BID: variants seen among roughly 807,000 people sequenced by gnomAD.
BID encodes the protein BH3-interacting domain death agonist.
BID carries 19 observed loss-of-function variants against 17.4 expected under a neutral mutation model. That is an observed-to-expected ratio of 1.09 (90% CI 0.76 to 1.60). BID has a LOEUF of 1.60. Among genes scored for constraint, BID ranks in the 40% most tolerant of loss-of-function variants. The pLI is 0.00. For missense variants in BID, 226 were observed against 256.0 expected, an observed-to-expected ratio of 0.88 and a Z score of 0.80; for synonymous variants, 108 against 102.8, an observed-to-expected ratio of 1.05 and a Z score of -0.31.
intron 1 of BID, among the ~76,000 whole-genome samples, chr22:17,753,647 C>A (rs2061558184): frequency 6.6e-6 from 1 of 152,260 alleles, no homozygotes; most frequent in African/African-American, 2.4e-5. Flanking sequence ...GCTCCCCCGT[C>A]AATAGCGGCC....
At position 17,735,484 on chromosome 22, in the gene BID, CG is replaced by C; in HGVS notation, c.*95del. 1 of 1,430,968 alleles carries C rather than the reference CG, an allele frequency of 7.0e-7. No individual in the cohort carries two copies. Among genetic ancestry groups the C allele is most frequent in the East Asian group, 2.3e-5 (1 of 43,858 alleles). The allele number at this position is 1,430,968 out of a possible 1,614,324, so 88.6% of individuals were successfully genotyped here. A position where few individuals can be genotyped will look rare whatever the true frequency, so the allele number is the denominator to read the frequency against. ...TCTTCCAGCCTGTCTTCTCTAGGAA[CG>C]CTGTTGACATGCCAGGGCTCCGTCT... On this transcript the variant is annotated 3_prime_UTR_variant, in exon 6 of 6. Coordinates refer to ENST00000622694, the MANE Select transcript of BID (RefSeq NM_001196.4).
In BID at chr22:17,755,524, C is replaced by T. The variant is rs140949738; in HGVS notation, c.-58-5350G>A. Among the ~76,000 whole-genome samples the T allele has an allele frequency of 3.4e-3, 519 of 151,928 alleles. 4 individuals carry two copies. The highest frequency in any genetic ancestry group is 0.012 in the African/African-American group (501 of 41,438). ...TCAGAAAAATAAAGGGTTTGGAGGC[C>T]GGGCGTGGTGGCTCATGCCTGTAAT... On this transcript the variant is annotated intron_variant, in intron 1 of 5. Coordinates refer to ENST00000622694, the MANE Select transcript of BID (RefSeq NM_001196.4).
At chr22:17,763,537 C>A (rs1237730481) in intron 1 of BID, among the ~76,000 whole-genome samples, 2 of 152,196 alleles carry the variant, frequency 1.3e-5, no homozygotes, top group Admixed American at 1.3e-4. Context: ...AACCACCGTG[C>A]CTGGCCTTAT....
chr22:17,763,909 A>ATTTT (rs1259728463), intron 1 of BID, among the ~76,000 whole-genome samples: 46 of 135,520 alleles, frequency 3.4e-4, no homozygotes, highest in Admixed American at 3.2e-3. Context: ...TAATTTAAAA[A>ATTTT]AAAAAAAAAT....
At chr22:17,756,476 T>TTTTCTTTC (rs56273043) in intron 1 of BID, among the ~76,000 whole-genome samples, 4 of 103,682 alleles carry the variant, frequency 3.9e-5, no homozygotes, top group African/African-American at 1.4e-4. Flanking sequence ...TCTTTCTTTC[T>TTTTCTTTC]TTTCTTTCTT....
chr22:17,767,347 T>C (rs28690258), intron 1 of BID, among the ~76,000 whole-genome samples: 12 of 152,132 alleles, frequency 7.9e-5, no homozygotes, highest in Non-Finnish European at 1.3e-4. Context: ...ATAGAGTTCC[T>C]CCAATTCAAG....
intron 1 of BID, among the ~76,000 whole-genome samples, chr22:17,763,134 C>T (rs1444803248): frequency 6.6e-6 from 1 of 152,224 alleles, no homozygotes; most frequent in Non-Finnish European, 1.5e-5. Context: ...GCCTCAGCCT[C>T]CCAAAGTGCT....
chr22:17,735,481 G>T lies in BID; in HGVS notation c.*99C>A. Reference sequence around the variant, plus strand: ...CTATCTTCCAGCCTGTCTTCTCTAGGAACGCTGTTGACATGCCAGGGCTCC... The same window carrying T: ...CTATCTTCCAGCCTGTCTTCTCTAGTAACGCTGTTGACATGCCAGGGCTCC... On this transcript the variant is annotated 3_prime_UTR_variant, in exon 6 of 6. Coordinates refer to ENST00000622694, the MANE Select transcript of BID (RefSeq NM_001196.4). 7.1e-7 allele frequency: 1 copy of T among 1,403,722 alleles called. No homozygotes were observed. Among genetic ancestry groups the T allele is most frequent in the South Asian group, 1.2e-5 (1 of 85,048 alleles). The allele number at this position is 1,403,722 out of a possible 1,614,324, so 87.0% of individuals were successfully genotyped here. A position where few individuals can be genotyped will look rare whatever the true frequency, so the allele number is the denominator to read the frequency against.
chr22:17,769,405 A>G lies in BID; in HGVS notation c.-59+4976T>C, dbSNP rs960440818. ...GAGGGAGAAACAAGGCTTTTGGGGAAATGGTGACACCTGGGGCCAGGTTTC... is the reference window on the plus strand; with the variant it reads ...GAGGGAGAAACAAGGCTTTTGGGGAGATGGTGACACCTGGGGCCAGGTTTC... On this transcript the variant is annotated intron_variant, in intron 1 of 5. Transcript: ENST00000622694. This position sits in a 1 kb window ranked among gnomAD's most constrained non-coding sequence, Gnocchi z 4.8. 4.6e-5 allele frequency among the ~76,000 whole-genome samples: 7 copies of G among 152,230 alleles called. No homozygotes were observed. The highest frequency in any genetic ancestry group is 1.7e-4 in the African/African-American group (7 of 41,462).
At chr22:17,748,073 G>T (rs533940899) in intron 2 of BID, among the ~76,000 whole-genome samples, 132 of 150,820 alleles carry the variant, frequency 8.8e-4, no homozygotes, top group Non-Finnish European at 1.4e-3. Flanking sequence ...GCCGGGCGTG[G>T]TGGTGGGCGC....
intron 1 of BID, among the ~76,000 whole-genome samples, chr22:17,770,641 G>A (rs1246083194): frequency 1.3e-5 from 2 of 152,258 alleles, no homozygotes; most frequent in African/African-American, 2.4e-5. Context: ...GAAAGCTCTT[G>A]GCCAAGGGCC....
At chr22:17,768,639 C>T (rs1312381808) in intron 1 of BID, among the ~76,000 whole-genome samples, 2 of 152,126 alleles carry the variant, frequency 1.3e-5, no homozygotes, top group Non-Finnish European at 2.9e-5. Context: ...TTTGGGAGGC[C>T]GAGGCGGGTG....
chr22:17,750,249 C>T, intron 1 of BID, 75 bp from the exon 2 acceptor site: 2 of 1,268,416 alleles, frequency 1.6e-6, no homozygotes, highest in Non-Finnish European at 2.2e-6. Context: ...GACGACGAAG[C>T]TGGCCTGTGC....
In BID at chr22:17,739,361, G is replaced by A. The variant is rs1374860608; in HGVS notation, c.351C>T (p.Ser117=). 1.3e-6 allele frequency: 2 copies of A among 1,596,684 alleles called. No homozygotes were observed. Among genetic ancestry groups the A allele is most frequent in the Admixed American group, 3.4e-5 (2 of 59,260 alleles). The change falls in exon 4 of 6, where the codon AGC becomes AGT. Residue 117 remains serine (S), a synonymous_variant. Transcript: ENST00000622694. ...GGCCCTCACTCACCTCCTCCGACCG[G>A]CTGGTGTTCCTGAGCTGCAGGGCCA... ...NGLALQLRNT[S]RSEEDRNRDL... is the part of the protein sequence containing the mutation.
chr22:17,772,821 C>T (rs1262769531), intron 1 of BID, among the ~76,000 whole-genome samples: 3 of 152,144 alleles, frequency 2.0e-5, no homozygotes, highest in African/African-American at 7.2e-5. Flanking sequence ...CACCCCTTCC[C>T]ACCCAGGCAC....
At chr22:17,747,556 G>A (rs1466842600) in intron 2 of BID, among the ~76,000 whole-genome samples, 4 of 151,958 alleles carry the variant, frequency 2.6e-5, no homozygotes, top group Admixed American at 2.0e-4. Context: ...CTTGACCTCA[G>A]GTGATCTGCC....
intron 1 of BID, among the ~76,000 whole-genome samples, chr22:17,755,938 G>A (rs2061579559): frequency 6.6e-6 from 1 of 152,120 alleles, no homozygotes; most frequent in Non-Finnish European, 1.5e-5. Context: ...CACGATCTCG[G>A]CTCACTGCAA....
intron 2 of BID, among the ~76,000 whole-genome samples, chr22:17,747,895 G>T (rs1220757828): frequency 6.6e-6 from 1 of 150,698 alleles, no homozygotes; most frequent in Non-Finnish European, 1.5e-5. Flanking sequence ...GGGCAACATG[G>T]TGAAACCCCA....
chr22:17,765,251 C>T (rs145294345), intron 1 of BID, among the ~76,000 whole-genome samples: 10 of 152,206 alleles, frequency 6.6e-5, no homozygotes, highest in East Asian at 5.8e-4. Context: ...CTCACAACAA[C>T]GCCCCTGTGA....
Sources: gnomAD v4.1 joint callset for allele counts (sites outside exome capture counted in the v4.1 genomes callset) on GRCh38, gnomAD v4.1.1 for gene constraint, Gnocchi (gnomAD v3.1) non-coding constraint, MANE v1.5 for transcripts, NCBI Gene and HGNC (gene_info 2026-07-23, HGNC 2026-07-21) for gene names.